The following PRKCH variants were observed in gnomAD, a reference collection of about 807,000 sequenced individuals.
The protein encoded by PRKCH is protein kinase C eta type.
PRKCH carries 28 observed loss-of-function variants against 82.5 expected under a neutral mutation model. The observed-to-expected ratio is 0.34, with a 90% CI of 0.25 to 0.47. The LOEUF (loss-of-function observed/expected upper bound fraction) is 0.47, where lower values mean the gene tolerates loss of function less well. Among genes scored for constraint, PRKCH ranks in the 20% least tolerant of loss-of-function variants. The pLI, the probability that PRKCH is intolerant of heterozygous loss-of-function variation, is 1.00. For missense variants in PRKCH, 705 were observed against 881.8 expected (o/e 0.80, Z 2.54); for synonymous variants, 322 against 327.4 (o/e 0.98, Z 0.18).
At chr14:61,435,276 G>A (rs1395058529) in intron 2 of PRKCH, among the ~76,000 whole-genome samples, 2 of 152,160 alleles carry the variant, frequency 1.3e-5, no homozygotes, top group African/African-American at 4.8e-5. Flanking sequence ...TGCAACTTAA[G>A]TCCCTATCTT....
At chr14:61,530,314 A>T (rs1476400404) in intron 11 of PRKCH, 93 bp from the exon 12 acceptor site, 4 of 1,321,400 alleles carry the variant, frequency 3.0e-6, no homozygotes, top group Non-Finnish European at 4.0e-6. Context: ...AAAAACTTTG[A>T]TATTTCCTAA....
intron 2 of PRKCH, among the ~76,000 whole-genome samples, chr14:61,396,742 A>AGTGTGGAGGTGCTAAAGGTAGGGG (rs970231839): frequency 6.6e-6 from 1 of 151,844 alleles, no homozygotes; most frequent in Non-Finnish European, 1.5e-5. Flanking sequence ...AACGAAAAGG[A>AGTGTGGAGGTGCTAAAGGTAGGGG]GTGTGGAGGT....
intron 1 of PRKCH, among the ~76,000 whole-genome samples, chr14:61,244,827 A>T (rs1183757645): frequency 1.3e-5 from 2 of 152,228 alleles, no homozygotes; most frequent in Non-Finnish European, 2.9e-5. Flanking sequence ...CGAATACAAC[A>T]AGAAGAAACT....
At chr14:61,395,764 C>T (rs1368660748) in intron 2 of PRKCH, among the ~76,000 whole-genome samples, 2 of 152,266 alleles carry the variant, frequency 1.3e-5, no homozygotes, top group Non-Finnish European at 2.9e-5. Context: ...CTTGTATACT[C>T]AGCAGGTTCG....
chr14:61,399,657 C>T (rs1313351196), intron 2 of PRKCH, among the ~76,000 whole-genome samples: 2 of 152,006 alleles, frequency 1.3e-5, no homozygotes, highest in Non-Finnish European at 2.9e-5. Context: ...TTTGCAGTTG[C>T]GAAGTTTAAT....
chr14:61,526,718 A>G (rs1254789544), intron 10 of PRKCH, among the ~76,000 whole-genome samples: 2 of 152,210 alleles, frequency 1.3e-5, no homozygotes, highest in Non-Finnish European at 2.9e-5. Flanking sequence ...GTGCCCTGAC[A>G]CAACCCACAG....
intron 1 of PRKCH, among the ~76,000 whole-genome samples, chr14:61,252,657 A>G (rs1418016549): frequency 6.6e-6 from 1 of 152,278 alleles, no homozygotes; most frequent in African/African-American, 2.4e-5. Flanking sequence ...GACACAGTGT[A>G]TATGTAAGTT....
chr14:61,268,660 G>A (rs1053731959), intron 1 of PRKCH, among the ~76,000 whole-genome samples: 2 of 152,088 alleles, frequency 1.3e-5, no homozygotes, highest in Non-Finnish European at 2.9e-5. Flanking sequence ...AGGGCAAGAC[G>A]CTGCCCCCTG....
At chr14:61,304,095 A>G (rs2045466989) in intron 1 of PRKCH, 2 of 152,092 alleles carry the variant, frequency 1.3e-5, no homozygotes, top group Admixed American at 6.5e-5. Flanking sequence ...GTCTGTTTAG[A>G]GTTAATATTA....
At chr14:61,415,552 A>G (rs927577762) in intron 2 of PRKCH, among the ~76,000 whole-genome samples, 1 of 152,180 alleles carries the variant, frequency 6.6e-6, no homozygotes, top group Non-Finnish European at 1.5e-5. Context: ...GGAATTTTTG[A>G]CAGCATTTAC....
chr14:61,376,493 A>G (rs2046429767), intron 1 of PRKCH, among the ~76,000 whole-genome samples: 2 of 152,166 alleles, frequency 1.3e-5, no homozygotes, highest in Admixed American at 6.5e-5. Context: ...TCCCAAACCA[A>G]CTGACCCTCT....
intron 1 of PRKCH, among the ~76,000 whole-genome samples, chr14:61,330,706 C>T (rs1241977594): frequency 6.6e-6 from 1 of 152,118 alleles, no homozygotes; most frequent in Non-Finnish European, 1.5e-5. Flanking sequence ...TTGCCACAGA[C>T]CCCTCCACTC....
At chr14:61,206,062 T>C (rs147993315) in intron 1 of PRKCH, among the ~76,000 whole-genome samples, 7 of 152,274 alleles carry the variant, frequency 4.6e-5, no homozygotes, top group African/African-American at 1.7e-4. Flanking sequence ...AGTCTGTAAT[T>C]GGAGGGAGAA....
At chr14:61,520,509 TA>T (rs1221716479) in intron 10 of PRKCH, among the ~76,000 whole-genome samples, 1 of 151,970 alleles carries the variant, frequency 6.6e-6, no homozygotes, top group South Asian at 2.1e-4. Context: ...AGAACCAATA[TA>T]AAAAATTATT....
intron 1 of PRKCH, among the ~76,000 whole-genome samples, chr14:61,243,126 A>C (rs2044853727): frequency 6.6e-6 from 1 of 152,122 alleles, no homozygotes; most frequent in Admixed American, 6.6e-5. Flanking sequence ...GGCTGGGCAC[A>C]GTTCACGCCT....
At chr14:61,402,687 T>C (rs186538205) in intron 2 of PRKCH, among the ~76,000 whole-genome samples, 1 of 152,080 alleles carries the variant, frequency 6.6e-6, no homozygotes, top group Admixed American at 6.5e-5. Flanking sequence ...TAATCCCAGC[T>C]ACTCGGGAGG....
At chr14:61,391,051 A>G (rs1159053630) in intron 1 of PRKCH, among the ~76,000 whole-genome samples, 174 bp from the exon 2 acceptor site, 1 of 152,190 alleles carries the variant, frequency 6.6e-6, no homozygotes, top group Non-Finnish European at 1.5e-5. Context: ...CAGTCTTTAC[A>G]GTTTTTTGAG....
chr14:61,413,080 C>T (rs1231305645), intron 2 of PRKCH, among the ~76,000 whole-genome samples: 7 of 152,156 alleles, frequency 4.6e-5, no homozygotes, highest in Non-Finnish European at 1.0e-4. Flanking sequence ...ATAGTATCCT[C>T]AGCTACCATC....
Position 61,329,234 on chromosome 14 carries a change from C to CTTTTTTTTTTTTTTTT in PRKCH, c.363+6775_363+6790dup, listed in dbSNP as rs71117812. On this transcript the variant is annotated intron_variant, in intron 1 of 13. Transcript: ENST00000332981. Reference sequence around the variant, plus strand: ...ACTGCTCTTAGATAAACTCCTGAGTCTTTTTTTTTTTTTTTTTTTTGAGAC... The same window carrying CTTTTTTTTTTTTTTTT: ...ACTGCTCTTAGATAAACTCCTGAGTCTTTTTTTTTTTTTTTTTTTTTTTTTTTTTTTTTTTTGAGAC... 4.8e-3 allele frequency among the ~76,000 whole-genome samples: 302 copies of CTTTTTTTTTTTTTTTT among 63,460 alleles called. 76 individuals are homozygous for CTTTTTTTTTTTTTTTT. Among genetic ancestry groups the CTTTTTTTTTTTTTTTT allele is most frequent in the African/African-American group, 0.02 (294 of 14,766 alleles). The allele number at this position is 63,460 out of a possible 152,430, so 41.6% of individuals were successfully genotyped here.
Sources: gnomAD v4.1 joint callset for allele counts (sites outside exome capture counted in the v4.1 genomes callset) on GRCh38, gnomAD v4.1.1 for gene constraint, MANE v1.5 for transcripts, NCBI Gene and HGNC (gene_info 2026-07-23, HGNC 2026-07-21) for gene names.